The following DBI variants were observed in gnomAD, a reference collection of about 807,000 sequenced individuals.
The protein encoded by DBI is diazepam binding inhibitor, acyl-CoA binding protein.
Under a neutral mutation model 13.0 loss-of-function variants are expected in DBI, and 12 were observed. The ratio of observed to expected loss-of-function variants is 0.92; its 90% CI spans 0.59 to 1.49. The LOEUF is 1.49. DBI is among the 40% of genes most tolerant of loss of function. The pLI is 0.00. For synonymous variants in DBI, 37 were observed against 37.4 expected (o/e 0.99, Z 0.04); for missense variants, 95 against 104.8 (o/e 0.91, Z 0.41).
chr2:119,369,215 G>A (rs1044949046), intron 2 of DBI, among the ~76,000 whole-genome samples: 1 of 152,230 alleles, frequency 6.6e-6, no homozygotes, highest in Non-Finnish European at 1.5e-5. Context: ...TGTCCTTCCA[G>A]GGAGGGGAAG....
chr2:119,369,966 G>A (rs11123519), intron 2 of DBI, among the ~76,000 whole-genome samples: 26,317 of 151,970 alleles, frequency 0.17, 2,469 homozygotes, highest in East Asian at 0.23. Flanking sequence ...GAGAGCTGTC[G>A]AGGAGTGCTA....
rs761676765 is a variant in DBI at position 119,367,674 on chromosome 2, G to T, written c.10-514G>T. On this transcript the variant is annotated intron_variant, in intron 1 of 3. Transcript: ENST00000355857. ...GTGTTGAACGCGCGGGCCCCAGGGG[G>T]AGGGAGGGGACCAACGGGCTCCGGC... The T allele has an allele frequency of 1.4e-5, 23 of 1,613,338 alleles. No individual in the cohort carries two copies. In the South Asian group the frequency reaches 2.4e-4, roughly 17 times the overall value.
At chr2:119,368,044 C>T (rs947192618) in intron 1 of DBI, 144 bp from the exon 2 acceptor site, 40 of 1,546,592 alleles carry the variant, frequency 2.6e-5, no homozygotes, top group Non-Finnish European at 3.5e-5. Flanking sequence ...GGGGCAGACA[C>T]ACTTCAGGGG....
chr2:119,372,300 G>A lies in DBI; in HGVS notation c.246G>A (p.Lys82=). Residue 82 remains lysine (K), a synonymous_variant, in exon 4 of 4, where the codon AAG becomes AAA. Coordinates refer to ENST00000355857, the MANE Select transcript of DBI (RefSeq NM_001079862.4). ...KAYINKVEEL[K]KKYGI ...ACATCAACAAAGTAGAAGAGCTAAA[G>A]AAAAAATACGGGATATGAGAGACTG... The A allele has an allele frequency of 6.2e-7, 1 of 1,612,890 alleles. No homozygotes were observed. The highest frequency in any genetic ancestry group is 2.2e-5 in the East Asian group (1 of 44,868).
At chr2:119,367,922 G>T in intron 1 of DBI, 2 of 1,614,246 alleles carry the variant, frequency 1.2e-6, no homozygotes, top group Non-Finnish European at 1.7e-6. Flanking sequence ...CAGACCTGAT[G>T]CCTGCGTTTG....
intron 1 of DBI, chr2:119,367,836 G>A: frequency 6.2e-7 from 1 of 1,613,194 alleles, no homozygotes. Flanking sequence ...CAGGCAGTTG[G>A]CCGCGCTGCT....
At chr2:119,367,212 C>T in intron 1 of DBI, 152 bp downstream of exon 1, 1 of 1,450,716 alleles carries the variant, frequency 6.9e-7, no homozygotes, top group Non-Finnish European at 9.1e-7. Context: ...TGGACAGAGC[C>T]TTGTGAGCGG....
intron 1 of DBI, chr2:119,367,529 G>A (rs544624404): frequency 1.2e-6 from 2 of 1,605,986 alleles, no homozygotes; most frequent in East Asian, 2.2e-5. Flanking sequence ...CCGGGGAGAG[G>A]TGACCCAGGG....
At chr2:119,371,084 G>A (rs991072344) in intron 3 of DBI, among the ~76,000 whole-genome samples, 5 of 152,202 alleles carry the variant, frequency 3.3e-5, no homozygotes, top group East Asian at 1.9e-4. Flanking sequence ...TGTAGTTGGC[G>A]TAGGCTTTGG....
chr2:119,369,172 C>T (rs1257361925), intron 2 of DBI, among the ~76,000 whole-genome samples: 1 of 152,084 alleles, frequency 6.6e-6, no homozygotes, highest in African/African-American at 2.4e-5. Context: ...GGTCTTATGG[C>T]GAAGGTGAGT....
intron 1 of DBI, chr2:119,367,483 C>A: frequency 6.3e-7 from 1 of 1,595,822 alleles, no homozygotes; most frequent in Admixed American, 1.7e-5. Context: ...AGTACGGGGC[C>A]GGCTGCTCAG....
intron 2 of DBI, 124 bp downstream of exon 2, chr2:119,368,429 T>A: frequency 1.4e-6 from 1 of 721,870 alleles, no homozygotes; most frequent in Non-Finnish European, 2.5e-6. Context: ...TGGGGTATGG[T>A]GATGGTTCCT....
At chr2:119,367,436 CGAG>C in intron 1 of DBI, 1 of 1,539,068 alleles carries the variant, frequency 6.5e-7, no homozygotes, top group Non-Finnish European at 8.8e-7. Context: ...AGTGGGGAAG[CGAG>C]GAGTCCGTGG....
In DBI at chr2:119,368,208, AGAG is replaced by A; in HGVS notation, c.35_37del (p.Glu12del). The A allele has an allele frequency of 1.2e-6, 2 of 1,613,638 alleles. No homozygotes were observed. Among genetic ancestry groups the A allele is most frequent in the Non-Finnish European group, 1.7e-6 (2 of 1,179,982 alleles). ...TTTAGGCTGAGTTTGAGAAAGCTGCAGAGGAGGTTAGGCACCTTAAGACCAAGC... is the reference window on the plus strand; with the variant it reads ...TTTAGGCTGAGTTTGAGAAAGCTGCAGAGGTTAGGCACCTTAAGACCAAGC... On this transcript the variant is annotated inframe_deletion, in exon 2 of 4. Coordinates refer to ENST00000355857, the MANE Select transcript of DBI (RefSeq NM_001079862.4).
Position 119,368,321 on chromosome 2 carries a change from G to A in DBI, c.127+16G>A. 1 of 1,588,846 alleles carries A rather than the reference G, an allele frequency of 6.3e-7. No homozygotes were observed. The highest frequency in any genetic ancestry group is 8.6e-7 in the Non-Finnish European group (1 of 1,156,972). On this transcript the variant is annotated intron_variant, in intron 2 of 3. Transcript: ENST00000355857. ...ATAAATACAGGTATGCAGAGCGGGGGTTGGAAGGGCATCTGCTCATCAAAG... is the reference window on the plus strand; with the variant it reads ...ATAAATACAGGTATGCAGAGCGGGGATTGGAAGGGCATCTGCTCATCAAAG...
Position 119,372,265 on chromosome 2 carries a change from A to C in DBI, c.211A>C (p.Met71Leu), listed in dbSNP as rs8192506. Residue 71 changes from methionine (M) to leucine (L), a missense_variant, in exon 4 of 4, where the codon ATG becomes CTG. Coordinates refer to ENST00000355857, the MANE Select transcript of DBI (RefSeq NM_001079862.4). ...TACAGGGACTTCCAAGGAAGATGCC[A>C]TGAAAGCTTACATCAACAAAGTAGA... The part of the protein sequence containing the change: ...ELKGTSKEDA[M>L]KAYINKVEEL... 6.2e-6 allele frequency: 10 copies of C among 1,613,558 alleles called. No individual in the cohort carries two copies. Among genetic ancestry groups the C allele is most frequent in the Non-Finnish European group, 7.6e-6 (9 of 1,179,478 alleles).
At position 119,372,311 on chromosome 2, in the gene DBI, G is replaced by A. The variant is rs138712234; in HGVS notation, c.257G>A (p.Gly86Glu). 1.3e-5 allele frequency: 21 copies of A among 1,611,336 alleles called. No individual in the cohort carries two copies. The highest frequency in any genetic ancestry group is 1.7e-4 in the Middle Eastern group (1 of 6,056). Residue 86 changes from glycine to glutamate, a missense_variant, in exon 4 of 4, where the codon GGG becomes GAG. By Grantham distance (98) the Gly-to-Glu change is moderately conservative. Coordinates refer to ENST00000355857, the MANE Select transcript of DBI (RefSeq NM_001079862.4). ...NKVEELKKKY[G>E]I is the part of the protein sequence containing the mutation. ...GTAGAAGAGCTAAAGAAAAAATACGGGATATGAGAGACTGGATTTGGTTAC... is the reference window on the plus strand; with the variant it reads ...GTAGAAGAGCTAAAGAAAAAATACGAGATATGAGAGACTGGATTTGGTTAC...
chr2:119,367,714 A>C (rs1479317732), intron 1 of DBI: 4 of 1,610,040 alleles, frequency 2.5e-6, no homozygotes, highest in Non-Finnish European at 3.4e-6. Context: ...ACACCGCGGC[A>C]CTCATGCCCT....
rs775264971 is a variant in DBI at position 119,367,652 on chromosome 2, T to A, written c.10-536T>A. ...CCGGGCACTGGGACAGAGGTCGGTG[T>A]TGAACGCGCGGGCCCCAGGGGGAGG... On this transcript the variant is annotated intron_variant, in intron 1 of 3. Transcript: ENST00000355857. 2.5e-6 allele frequency: 4 copies of A among 1,613,956 alleles called. No homozygotes were observed. In the Admixed American group the frequency reaches 6.7e-5, roughly 27 times the overall value.
Sources: gnomAD v4.1 joint callset for allele counts (sites outside exome capture counted in the v4.1 genomes callset) on GRCh38, gnomAD v4.1.1 for gene constraint, MANE v1.5 for transcripts, NCBI Gene and HGNC (gene_info 2026-07-23, HGNC 2026-07-21) for gene names.